The following SDK1 variants were observed in gnomAD, a reference collection of about 807,000 sequenced individuals.
SDK1 encodes the protein sidekick cell adhesion molecule 1.
In SDK1, 157 loss-of-function variants were observed where a neutral mutation model predicts 245.5. The ratio of observed to expected loss-of-function variants is 0.64; its 90% confidence interval spans 0.56 to 0.73. SDK1 has a LOEUF of 0.73. Ranked by LOEUF, SDK1 falls within the 30% of genes least tolerant of loss-of-function variation. The probability of loss-of-function intolerance (pLI) is 0.00; values close to 1 mark genes in which losing one functional copy is unlikely to be tolerated. For synonymous variants in SDK1, 1,647 were observed against 1,278.5 expected (o/e 1.29, Z -6.15); for missense variants, 3,583 against 3,002.3 (o/e 1.19, Z -4.52).
chr7:3,629,306 A>G (rs936051086), intron 2 of SDK1, among the ~76,000 whole-genome samples: 5 of 88,166 alleles, frequency 5.7e-5, no homozygotes, highest in Non-Finnish European at 1.3e-4. Context: ...GTCTCAAAAA[A>G]AAAAAGAAAA....
At chr7:3,676,216 A>G (rs961209634) in intron 4 of SDK1, among the ~76,000 whole-genome samples, 4 of 151,456 alleles carry the variant, frequency 2.6e-5, no homozygotes, top group Middle Eastern at 3.2e-3. Context: ...ACGGGGTCTC[A>G]CTATGTTGCC....
intron 35 of SDK1, among the ~76,000 whole-genome samples, chr7:4,202,910 A>C (rs1190113715): frequency 6.6e-6 from 1 of 152,096 alleles, no homozygotes; most frequent in Non-Finnish European, 1.5e-5. Context: ...TGGGACATGG[A>C]GTTAGAACCA....
chr7:3,878,909 T>A (rs1402828160), intron 5 of SDK1, among the ~76,000 whole-genome samples: 2 of 152,122 alleles, frequency 1.3e-5, no homozygotes, highest in Non-Finnish European at 2.9e-5. Context: ...TATCACAAAG[T>A]AAAAGCCTGT....
Position 3,357,326 on chromosome 7 carries a change from G to GTTTTTTTTTTTTTTTTT in SDK1, c.298+55443_298+55444insTTTTTTTTTTTTTTTTT, listed in dbSNP as rs1780826215. ...TTTTACTCTTGCTCCCCTTCTTTTA[G>GTTTTTTTTTTTTTTTTT]TGTTTTTTTTTTTTTTTTTTTTTTT... is the stretch of plus-strand genomic sequence containing the variant. On this transcript the variant is annotated intron_variant, in intron 1 of 44. Transcript: ENST00000404826. Among the ~76,000 whole-genome samples the GTTTTTTTTTTTTTTTTT allele has an allele frequency of 8.0e-5, 4 of 50,102 alleles. 2 individuals are homozygous for GTTTTTTTTTTTTTTTTT. Among genetic ancestry groups the GTTTTTTTTTTTTTTTTT allele is most frequent in the South Asian group, 1.9e-3 (2 of 1,068 alleles). 32.9% of individuals were successfully genotyped at this position (50,102 alleles called of 152,430 possible).
chr7:3,792,756 C>G (rs1294031385), intron 4 of SDK1, among the ~76,000 whole-genome samples: 4 of 151,990 alleles, frequency 2.6e-5, no homozygotes, highest in Non-Finnish European at 5.9e-5. Flanking sequence ...ACTACCCCCT[C>G]CCCCTCCAGT....
intron 5 of SDK1, among the ~76,000 whole-genome samples, chr7:3,907,899 G>C (rs1779010847): frequency 6.6e-6 from 1 of 152,002 alleles, no homozygotes; most frequent in Non-Finnish European, 1.5e-5. Context: ...AGAATACTTT[G>C]ATTGAGCAAG....
chr7:3,691,296 T>A lies in SDK1; in HGVS notation c.713+49191T>A, dbSNP rs1173896543. ...AAAAATGCCATAGAATGAAAATGTC[T>A]TATGTTGATAGGAAGAGGTCAGGGC... is the stretch of plus-strand genomic sequence containing the variant. On this transcript the variant is annotated intron_variant, in intron 4 of 44. Transcript: ENST00000404826. 2.0e-5 allele frequency among the ~76,000 whole-genome samples: 3 copies of A among 152,196 alleles called. No homozygotes were observed. In the East Asian group the frequency reaches 5.8e-4, roughly 29 times the overall value.
intron 1 of SDK1, among the ~76,000 whole-genome samples, chr7:3,593,137 G>A (rs1412513693): frequency 6.6e-6 from 1 of 152,196 alleles, no homozygotes; most frequent in African/African-American, 2.4e-5. Context: ...AGTGTGTTAG[G>A]TACTATTTGA....
chr7:3,681,285 G>A (rs960629634), intron 4 of SDK1, among the ~76,000 whole-genome samples: 2 of 152,088 alleles, frequency 1.3e-5, no homozygotes, highest in African/African-American at 4.8e-5. Flanking sequence ...TGTAGCATTC[G>A]TATTTGTTCT....
Position 4,265,087 on chromosome 7 carries a change from T to G in SDK1, c.6382-37T>G, listed in dbSNP as rs1788374859. The G allele has an allele frequency of 1.9e-6, 3 of 1,595,728 alleles. No individual in the cohort carries two copies. In the East Asian group the frequency reaches 6.8e-5, roughly 36 times the overall value. ...CCAGCACGCTCCGGGCCCTGCGCCCTGCCCTGCACTCACACCTTCTCTCCC... is the reference window on the plus strand; with the variant it reads ...CCAGCACGCTCCGGGCCCTGCGCCCGGCCCTGCACTCACACCTTCTCTCCC... On this transcript the variant is annotated intron_variant, in intron 44 of 44. Transcript: ENST00000404826.
intron 1 of SDK1, among the ~76,000 whole-genome samples, chr7:3,326,514 G>T (rs1779944342): frequency 6.6e-6 from 1 of 152,022 alleles, no homozygotes; most frequent in South Asian, 2.1e-4. Context: ...TTAGTTTAGG[G>T]TAAATACTTT....
intron 5 of SDK1, among the ~76,000 whole-genome samples, chr7:3,948,826 C>G (rs1315201883): frequency 6.6e-6 from 1 of 152,242 alleles, no homozygotes; most frequent in African/African-American, 2.4e-5. Context: ...GTCCTGAACT[C>G]AGGCTTCCTC....
At chr7:3,666,084 G>A (rs1040298378) in intron 4 of SDK1, among the ~76,000 whole-genome samples, 1 of 152,158 alleles carries the variant, frequency 6.6e-6, no homozygotes, top group Non-Finnish European at 1.5e-5. Context: ...TGATCTCCAA[G>A]TATCCAGCTT....
chr7:4,130,182 TTTAAC>T (rs1784709067), intron 27 of SDK1, 85 bp downstream of exon 27: 1 of 1,370,750 alleles, frequency 7.3e-7, no homozygotes, highest in African/African-American at 1.5e-5. Flanking sequence ...TGTTGTCGCT[TTTAAC>T]TTAATTTTCA....
intron 41 of SDK1, among the ~76,000 whole-genome samples, chr7:4,234,485 T>A (rs545034293): frequency 6.6e-6 from 1 of 152,160 alleles, no homozygotes; most frequent in South Asian, 2.1e-4. Context: ...GCCCAAAGCC[T>A]ACCACAGGGG....
At chr7:3,951,291 T>G (rs1780809321) in intron 6 of SDK1, among the ~76,000 whole-genome samples, 1 of 152,112 alleles carries the variant, frequency 6.6e-6, no homozygotes, top group African/African-American at 2.4e-5. Context: ...TGAGATCCTC[T>G]CTAGGGAAGA....
At chr7:3,925,883 CT>C (rs1779749464) in intron 5 of SDK1, among the ~76,000 whole-genome samples, 1 of 152,142 alleles carries the variant, frequency 6.6e-6, no homozygotes, top group Non-Finnish European at 1.5e-5. Context: ...CGGAAATTAT[CT>C]TTTGGAATTG....
At chr7:3,862,753 T>C (rs77742302) in intron 5 of SDK1, among the ~76,000 whole-genome samples, 8,028 of 152,230 alleles carry the variant, frequency 0.053, 689 homozygotes, top group African/African-American at 0.18. Context: ...TACTTCAGTG[T>C]TCCTTAGAGC....
chr7:3,797,110 G>T (rs1248804500), intron 4 of SDK1, among the ~76,000 whole-genome samples: 1 of 151,704 alleles, frequency 6.6e-6, no homozygotes, highest in African/African-American at 2.4e-5. Context: ...GGCCTCAAGT[G>T]ATCCTACTGC....
Sources: gnomAD v4.1 joint callset for allele counts (sites outside exome capture counted in the v4.1 genomes callset) on GRCh38, gnomAD v4.1.1 for gene constraint, MANE v1.5 for transcripts, NCBI Gene and HGNC (gene_info 2026-07-23, HGNC 2026-07-21) for gene names.